The following WHRN variants were observed in gnomAD, a reference collection of about 807,000 sequenced individuals.
WHRN encodes the protein CASK-interacting protein CIP98.
A neutral mutation model predicts 68.3 loss-of-function variants in WHRN; 41 were observed. The ratio of observed to expected loss-of-function variants is 0.60; its 90% confidence interval spans 0.47 to 0.78. The LOEUF is 0.78. Among genes scored for constraint, WHRN ranks in the 30% least tolerant of loss-of-function variants. WHRN has a pLI of 0.00. For missense variants in WHRN, 1,243 were observed against 1,244.7 expected (o/e 1.00, Z 0.02); for synonymous variants, 560 against 561.3 (o/e 1.00, Z 0.03).
At chr9:114,483,313 T>A (rs558689053) in intron 1 of WHRN, among the ~76,000 whole-genome samples, 8 of 152,228 alleles carry the variant, frequency 5.3e-5, no homozygotes, top group Admixed American at 1.3e-4. Flanking sequence ...CATCCATTGC[T>A]GTTTAATGCC....
chr9:114,429,554 T>G (rs1322358666), intron 3 of WHRN, among the ~76,000 whole-genome samples: 1 of 152,174 alleles, frequency 6.6e-6, no homozygotes, highest in African/African-American at 2.4e-5. Context: ...GCAATTCTCT[T>G]TCTCCCTTTT....
chr9:114,497,053 G>A (rs1415745011), intron 1 of WHRN, among the ~76,000 whole-genome samples: 3 of 152,178 alleles, frequency 2.0e-5, no homozygotes, highest in African/African-American at 7.2e-5. Flanking sequence ...TAATTCCTAA[G>A]CAAGCTAACA....
Position 114,424,362 on chromosome 9 carries a change from A to C in WHRN, c.1388T>G (p.Leu463Arg). ...GGCGTGGGTGTTGAGCAGCTTGAAC[A>C]GGGCCATGACGAGGGCCTCCACAGA... ...SVSVEALVMALFKLLNTHAKF... is the reference protein window; with the variant it reads ...SVSVEALVMARFKLLNTHAKF... The change falls in exon 6 of 12, where the codon CTG becomes CGG. Residue 463 changes from leucine to arginine, a missense_variant. Coordinates refer to ENST00000362057, the MANE Select transcript of WHRN (RefSeq NM_015404.4). 1 of 1,612,340 alleles carries C rather than the reference A, an allele frequency of 6.2e-7. No homozygotes were observed. The highest frequency in any genetic ancestry group is 1.3e-5 in the African/African-American group (1 of 74,986).
chr9:114,471,938 T>C (rs1841257158), intron 2 of WHRN, among the ~76,000 whole-genome samples: 1 of 152,180 alleles, frequency 6.6e-6, no homozygotes, highest in Non-Finnish European at 1.5e-5. Flanking sequence ...CTTGCAGCTG[T>C]GAAGCAATGA....
chr9:114,409,840 CTTTA>C (rs1835304084), intron 7 of WHRN, among the ~76,000 whole-genome samples: 1 of 151,934 alleles, frequency 6.6e-6, no homozygotes, highest in Admixed American at 6.6e-5. Context: ...CTCCACCTTG[CTTTA>C]TTTTTCTCCT....
chr9:114,431,627 G>A (rs182875584), intron 3 of WHRN, among the ~76,000 whole-genome samples: 1 of 152,090 alleles, frequency 6.6e-6, no homozygotes, highest in African/African-American at 2.4e-5. Flanking sequence ...TGAATTTGGA[G>A]GCAGCATGTT....
In WHRN at chr9:114,420,179, A is replaced by G. The variant is rs1171627433; in HGVS notation, c.1626+3135T>C. Among the ~76,000 whole-genome samples, 5 of 152,260 alleles carry G rather than the reference A, an allele frequency of 3.3e-5. No homozygotes were observed. The South Asian group carries it at 8.3e-4, about 25-fold the overall frequency. Reference sequence around the variant, plus strand: ...CTTCCCCAAATGCACACGCGCACACACACATGCAAAATCCACACGTTCTCC... The same window carrying G: ...CTTCCCCAAATGCACACGCGCACACGCACATGCAAAATCCACACGTTCTCC... On this transcript the variant is annotated intron_variant, in intron 7 of 11. Transcript: ENST00000362057.
At chr9:114,494,630 C>G (rs926223813) in intron 1 of WHRN, among the ~76,000 whole-genome samples, 2 of 152,176 alleles carry the variant, frequency 1.3e-5, no homozygotes, top group South Asian at 4.1e-4. Flanking sequence ...CGCAACCCCT[C>G]AAGTCAACAA....
At chr9:114,411,794 A>G (rs1835457232) in intron 7 of WHRN, among the ~76,000 whole-genome samples, 1 of 152,194 alleles carries the variant, frequency 6.6e-6, no homozygotes, top group Non-Finnish European at 1.5e-5. Flanking sequence ...GAGGGAAGAG[A>G]CTTGTCCAAG....
At chr9:114,425,936 G>C in intron 4 of WHRN, 1 of 500,506 alleles carries the variant, frequency 2.0e-6, no homozygotes, top group Non-Finnish European at 3.7e-6. Context: ...CCCACTTTTT[G>C]GATGAAGCAA....
At chr9:114,423,198 G>T in intron 7 of WHRN, 116 bp downstream of exon 7, 2 of 1,091,520 alleles carry the variant, frequency 1.8e-6, no homozygotes, top group Non-Finnish European at 2.8e-6. Context: ...GAGAGGCAAG[G>T]CACACAGCTG....
intron 4 of WHRN, chr9:114,425,489 G>GT (rs1281307334): frequency 0.15 from 43,841 of 291,622 alleles, 122 homozygotes; most frequent in Middle Eastern, 0.19. Context: ...CAGAAATCCA[G>GT]TTTTTTTTTT....
rs117006939 is a variant in WHRN at position 114,484,808 on chromosome 9, G to A, written c.619-6037C>T. 5.3e-4 allele frequency among the ~76,000 whole-genome samples: 80 copies of A among 152,304 alleles called. 2 individuals carry two copies. In the East Asian group the frequency reaches 0.015, roughly 28 times the overall value. ...TTAATAACTTGCTACTTGGATTAAT[G>A]CTCTCAGGAGGCAAATTTGCCTCAC... On this transcript the variant is annotated intron_variant, in intron 1 of 11. Transcript: ENST00000362057.
intron 7 of WHRN, among the ~76,000 whole-genome samples, chr9:114,417,271 G>A (rs556370236): frequency 2.6e-5 from 4 of 152,288 alleles, no homozygotes; most frequent in South Asian, 4.1e-4. Flanking sequence ...AGCATGATCC[G>A]AGGAATTCAG....
intron 3 of WHRN, among the ~76,000 whole-genome samples, chr9:114,439,862 T>C (rs1838216052): frequency 1.3e-5 from 2 of 152,366 alleles, no homozygotes; most frequent in South Asian, 4.1e-4. Context: ...GCATAAAATA[T>C]GTGTAGATAG....
intron 2 of WHRN, among the ~76,000 whole-genome samples, chr9:114,469,723 G>A (rs770770763): frequency 7.2e-5 from 11 of 152,324 alleles, no homozygotes; most frequent in South Asian, 6.2e-4. Context: ...GGGCACTGCC[G>A]CCGCTGTAAC....
chr9:114,424,107 T>C (rs963231904), intron 6 of WHRN, among the ~76,000 whole-genome samples: 1 of 152,060 alleles, frequency 6.6e-6, no homozygotes, highest in Admixed American at 6.5e-5. Context: ...GCACTCAGCG[T>C]TGGAAGCCAC....
chr9:114,493,291 C>T (rs907859178), intron 1 of WHRN, among the ~76,000 whole-genome samples: 14 of 139,128 alleles, frequency 1.0e-4, no homozygotes, highest in African/African-American at 3.3e-4. Context: ...TTCAAAGCTG[C>T]AGAGAGCTGT....
intron 3 of WHRN, among the ~76,000 whole-genome samples, chr9:114,461,119 G>A (rs1299286087): frequency 1.3e-5 from 2 of 152,222 alleles, no homozygotes. Flanking sequence ...TTGATTGCCT[G>A]CAACTGAGAG....
Sources: allele counts gnomAD v4.1 joint callset (sites outside exome capture counted in the v4.1 genomes callset), GRCh38; gene constraint gnomAD v4.1.1; transcripts MANE v1.5; gene names NCBI Gene and HGNC (gene_info 2026-07-23, HGNC 2026-07-21).